Variants in LARS2 observed in about 807,000 individuals in gnomAD.
LARS2 encodes leucine--tRNA ligase, mitochondrial.
Under a neutral mutation model 116.6 loss-of-function variants are expected in LARS2, and 81 were observed. That is an observed-to-expected ratio of 0.69 (90% CI 0.58 to 0.84). The LOEUF (loss-of-function observed/expected upper bound fraction) is 0.84. LARS2 is among the 40% of genes least tolerant of loss of function. LARS2 has a pLI of 0.00. For synonymous variants in LARS2, 396 were observed against 407.2 expected (o/e 0.97, Z 0.33); for missense variants, 968 against 1,114.5 (o/e 0.87, Z 1.87).
intron 20 of LARS2, among the ~76,000 whole-genome samples, chr3:45,528,933 A>C (rs186303804): frequency 7.2e-5 from 11 of 151,848 alleles, no homozygotes; most frequent in Admixed American, 5.2e-4. Flanking sequence ...GCAGTAGTAC[A>C]ATCTCCACTC....
chr3:45,440,389 A>C lies in LARS2; in HGVS notation c.517-6502A>C, dbSNP rs114795931. 3.4e-3 allele frequency among the ~76,000 whole-genome samples: 519 copies of C among 152,278 alleles called. 1 individual carries two copies. Among genetic ancestry groups the C allele is most frequent in the African/African-American group, 0.011 (455 of 41,538 alleles). ...AAAGTGCACATTACAAAAGATCAAA[A>C]AGCATGTGAACAACTCTCCTCTGTT... On this transcript the variant is annotated intron_variant, in intron 6 of 21. Transcript: ENST00000645846.
intron 6 of LARS2, among the ~76,000 whole-genome samples, chr3:45,434,599 G>A (rs779331890): frequency 2.8e-4 from 43 of 152,050 alleles, no homozygotes; most frequent in Non-Finnish European, 5.1e-4. Context: ...TAATCTTTTC[G>A]CATTCAGTTT....
In LARS2 at chr3:45,417,504, A is replaced by T; in HGVS notation, c.386A>T (p.Asp129Val). ...GMQVINPMGWDAFGLPAENAA... is the reference protein window; with the variant it reads ...GMQVINPMGWVAFGLPAENAA... ...TAGGTCATCAACCCCATGGGATGGGATGCTTTTGGATTGCCTGCTGAAAAT... is the reference window on the plus strand; with the variant it reads ...TAGGTCATCAACCCCATGGGATGGGTTGCTTTTGGATTGCCTGCTGAAAAT... Residue 129 changes from aspartate to valine, a missense_variant, in exon 5 of 22, where the codon GAT becomes GTT. Asp to Val is a radical substitution (Grantham distance 152). Coordinates refer to ENST00000645846, the MANE Select transcript of LARS2 (RefSeq NM_015340.4). 6.2e-7 allele frequency: 1 copy of T among 1,614,096 alleles called. No individual in the cohort carries two copies. The highest frequency in any genetic ancestry group is 8.5e-7 in the Non-Finnish European group (1 of 1,179,932).
intron 6 of LARS2, among the ~76,000 whole-genome samples, chr3:45,437,695 A>G (rs925095896): frequency 6.6e-6 from 1 of 152,190 alleles, no homozygotes; most frequent in Non-Finnish European, 1.5e-5. Flanking sequence ...CTTGGATTCT[A>G]ATTTTGCCTC....
At chr3:45,505,368 A>T (rs1161704847) in intron 15 of LARS2, among the ~76,000 whole-genome samples, 1 of 151,886 alleles carries the variant, frequency 6.6e-6, no homozygotes, top group African/African-American at 2.4e-5. Flanking sequence ...ATTCAAACTT[A>T]AGTTAAAAAC....
intron 15 of LARS2, among the ~76,000 whole-genome samples, chr3:45,503,754 GA>G (rs2125742962): frequency 6.6e-6 from 1 of 151,768 alleles, no homozygotes; most frequent in Admixed American, 6.6e-5. Context: ...TACAGAGAAG[GA>G]AAGGGGGGAA....
At chr3:45,405,052 A>G (rs1698211441) in intron 4 of LARS2, among the ~76,000 whole-genome samples, 1 of 152,148 alleles carries the variant, frequency 6.6e-6, no homozygotes, top group Non-Finnish European at 1.5e-5. Flanking sequence ...CTGCCCAGTA[A>G]TATAAGCTTC....
chr3:45,540,860 A>C (rs1700784492), intron 20 of LARS2, among the ~76,000 whole-genome samples: 1 of 151,982 alleles, frequency 6.6e-6, no homozygotes, highest in Non-Finnish European at 1.5e-5. Flanking sequence ...ATCATAGCTC[A>C]CTACAGCCTC....
intron 3 of LARS2, among the ~76,000 whole-genome samples, chr3:45,398,180 C>G (rs1698083417): frequency 6.6e-6 from 1 of 152,170 alleles, no homozygotes; most frequent in Non-Finnish European, 1.5e-5. Context: ...ATGGGCAGCA[C>G]AAAGAAAAGT....
intron 20 of LARS2, among the ~76,000 whole-genome samples, chr3:45,531,574 G>C (rs909854681): frequency 1.9e-4 from 29 of 151,406 alleles, no homozygotes; most frequent in African/African-American, 7.0e-4. Context: ...TATAGAGATG[G>C]TGTCTCACTG....
rs1227932593 is a variant in LARS2, at chr3:45,457,077, G to C, written c.607-1666G>C. 3.3e-5 allele frequency among the ~76,000 whole-genome samples: 5 copies of C among 152,348 alleles called. No individual in the cohort carries two copies. The East Asian group carries it at 9.7e-4, about 29-fold the overall frequency. On this transcript the variant is annotated intron_variant, in intron 7 of 21. Transcript: ENST00000645846. The stretch of plus-strand genomic sequence containing the variant: ...ACCCTGGCAGCAGAAGGATGCCTTT[G>C]CTGCCTGTAGGCTGCAGGGGCAACG...
intron 6 of LARS2, among the ~76,000 whole-genome samples, chr3:45,430,583 CT>C (rs35964512): frequency 0.016 from 1,488 of 90,254 alleles, 21 homozygotes; most frequent in African/African-American, 0.047. Flanking sequence ...CCCGGCCAAT[CT>C]TTTTTTTTTT....
intron 6 of LARS2, among the ~76,000 whole-genome samples, chr3:45,439,381 T>C (rs1301736690): frequency 6.6e-6 from 1 of 151,762 alleles, no homozygotes; most frequent in Admixed American, 6.6e-5. Flanking sequence ...CCACCATGCC[T>C]GGCTAATTTT....
chr3:45,435,889 T>C (rs1698792732), intron 6 of LARS2, among the ~76,000 whole-genome samples: 1 of 152,206 alleles, frequency 6.6e-6, no homozygotes, highest in Admixed American at 6.5e-5. Flanking sequence ...AAAGTATATT[T>C]ACTCCACCTT....
chr3:45,400,795 A>G (rs1310005103), intron 4 of LARS2, among the ~76,000 whole-genome samples: 2 of 152,016 alleles, frequency 1.3e-5, no homozygotes, highest in Admixed American at 6.6e-5. Context: ...GATATTTTCC[A>G]TATTCTTTGA....
chr3:45,441,328 C>T lies in LARS2; in HGVS notation c.517-5563C>T, dbSNP rs114513545. Among the ~76,000 whole-genome samples, 920 of 152,302 alleles carry T rather than the reference C, an allele frequency of 6.0e-3. 10 individuals are homozygous for T. The highest frequency in any genetic ancestry group is 0.021 in the African/African-American group (886 of 41,558). Reference sequence around the variant, plus strand: ...GCATGAGCCATTGCACCCGGCCCATCACACACTGAGTAAAGCCAAGGGGTG... The same window carrying T: ...GCATGAGCCATTGCACCCGGCCCATTACACACTGAGTAAAGCCAAGGGGTG... On this transcript the variant is annotated intron_variant, in intron 6 of 21. Transcript: ENST00000645846.
chr3:45,419,101 TA>T (rs548056066), intron 5 of LARS2, among the ~76,000 whole-genome samples: 1 of 152,224 alleles, frequency 6.6e-6, no homozygotes, highest in Non-Finnish European at 1.5e-5. Flanking sequence ...CCTTTTTCTT[TA>T]AAAAAATGAA....
intron 4 of LARS2, among the ~76,000 whole-genome samples, chr3:45,404,658 C>T (rs1181625368): frequency 2.0e-5 from 3 of 152,162 alleles, no homozygotes; most frequent in Non-Finnish European, 4.4e-5. Context: ...AGTTCTAAGG[C>T]ACACTAAGAA....
intron 20 of LARS2, among the ~76,000 whole-genome samples, chr3:45,529,598 A>G (rs1700584809): frequency 6.6e-6 from 1 of 152,066 alleles, no homozygotes; most frequent in Non-Finnish European, 1.5e-5. Context: ...GTGCAAAATT[A>G]TTTCCTAAGA....
Sources: allele counts gnomAD v4.1 joint callset (sites outside exome capture counted in the v4.1 genomes callset), GRCh38; gene constraint gnomAD v4.1.1; transcripts MANE v1.5; gene names NCBI Gene and HGNC (gene_info 2026-07-23, HGNC 2026-07-21).